PRDX1: variants seen among roughly 807,000 people sequenced by gnomAD.
The protein encoded by PRDX1 is peroxiredoxin-1.
A neutral mutation model predicts 20.7 loss-of-function variants in PRDX1; 19 were observed. The observed-to-expected ratio is 0.92, with a 90% CI of 0.64 to 1.35. The LOEUF (loss-of-function observed/expected upper bound fraction) is 1.35, where lower values mean the gene tolerates loss of function less well. Ranked by LOEUF, PRDX1 falls within the 40% of genes most tolerant of loss-of-function variation. The pLI is 0.00. For missense variants in PRDX1, 226 were observed against 240.0 expected (o/e 0.94, Z 0.38); for synonymous variants, 89 against 83.9 (o/e 1.06, Z -0.33).
chr1:45,518,189 G>A (rs1162032082), intron 2 of PRDX1, among the ~76,000 whole-genome samples: 2 of 151,900 alleles, frequency 1.3e-5, no homozygotes, highest in Admixed American at 6.6e-5. Flanking sequence ...TAAGCCAGGC[G>A]TGGTGGCTCA....
At chr1:45,519,110 G>T in intron 1 of PRDX1, 56 bp from the exon 2 acceptor site, 2 of 1,234,736 alleles carry the variant, frequency 1.6e-6, no homozygotes, top group Non-Finnish European at 2.3e-6. Context: ...ATAACCAGCA[G>T]CCTTCACCTA....
intron 5 of PRDX1, chr1:45,512,271 A>G (rs1257969158): frequency 6.8e-6 from 1 of 147,738 alleles, no homozygotes; most frequent in Non-Finnish European, 1.5e-5. Context: ...ACAGTCTCAC[A>G]TTGTCGCCCA....
At chr1:45,520,769 T>G (rs1004091114) in intron 1 of PRDX1, among the ~76,000 whole-genome samples, 2 of 144,214 alleles carry the variant, frequency 1.4e-5, no homozygotes, top group Admixed American at 7.1e-5. Context: ...CGGGGCTTGG[T>G]GGCACAAGCC....
chr1:45,519,153 A>G (rs1643887134), intron 1 of PRDX1, 99 bp from the exon 2 acceptor site: 1 of 785,122 alleles, frequency 1.3e-6, no homozygotes, highest in Non-Finnish European at 2.0e-6. Flanking sequence ...CAATCAAGGC[A>G]TTGTCCAGTG....
chr1:45,520,960 A>G (rs1287560476), intron 1 of PRDX1, among the ~76,000 whole-genome samples: 1 of 152,170 alleles, frequency 6.6e-6, no homozygotes, highest in East Asian at 1.9e-4. Flanking sequence ...CAAGTCCCAA[A>G]GTTCTTAGTT....
At chr1:45,518,467 CA>C (rs35407028) in intron 2 of PRDX1, among the ~76,000 whole-genome samples, 231 of 48,050 alleles carry the variant, frequency 4.8e-3, no homozygotes, top group South Asian at 0.014. Context: ...AACTCCATCT[CA>C]AAAAAAAAAA....
At chr1:45,514,698 A>T in intron 4 of PRDX1, 61 bp from the exon 5 acceptor site, 1 of 1,602,478 alleles carries the variant, frequency 6.2e-7, no homozygotes, top group Non-Finnish European at 8.5e-7. Context: ...GTTAGAATAC[A>T]GAGGCTTGAA....
Position 45,511,105 on chromosome 1 carries a change from A to T in PRDX1, c.*224T>A, listed in dbSNP as rs1476415339. The T allele has an allele frequency of 2.4e-6, 1 of 425,182 alleles. No individual in the cohort carries two copies. Among genetic ancestry groups the T allele is most frequent in the Non-Finnish European group, 4.2e-6 (1 of 239,368 alleles). 26.3% of individuals were successfully genotyped at this position (425,182 alleles called of 1,614,324 possible). On this transcript the variant is annotated 3_prime_UTR_variant, in exon 6 of 6. Coordinates refer to ENST00000319248, the MANE Select transcript of PRDX1 (RefSeq NM_181697.3). The stretch of plus-strand genomic sequence containing the variant: ...AAGATTAATGGGTTGCTCTACTAAT[A>T]CATCATACAAACCAGTAGCCTGCCC...
chr1:45,514,408 C>A, intron 5 of PRDX1, 99 bp downstream of exon 5: 2 of 1,414,850 alleles, frequency 1.4e-6, no homozygotes, highest in Non-Finnish European at 2.0e-6. Context: ...TTTTCCAAGT[C>A]TCTCATTCCA....
intron 2 of PRDX1, among the ~76,000 whole-genome samples, chr1:45,516,938 T>C (rs997023515): frequency 6.6e-6 from 1 of 151,234 alleles, no homozygotes; most frequent in Non-Finnish European, 1.5e-5. Context: ...GGAGAATCAC[T>C]TGAACCGGGG....
chr1:45,514,999 T>TG lies in PRDX1; in HGVS notation c.261-5dup, dbSNP rs751840360. 1 of 1,613,906 alleles carries TG rather than the reference T, an allele frequency of 6.2e-7. No individual in the cohort carries two copies. Among genetic ancestry groups the TG allele is most frequent in the Admixed American group, 1.7e-5 (1 of 59,912 alleles). On this transcript the variant is annotated splice_region_variant and splice_polypyrimidine_tract_variant and intron_variant, in intron 3 of 5. Coordinates refer to ENST00000319248, the MANE Select transcript of PRDX1 (RefSeq NM_181697.3). Reference sequence around the variant, plus strand: ...TTGTTTCTTAGGTGTATTGACCCTATGGCAAAAGGCAAACATACAGTTACA... The same window carrying TG: ...TTGTTTCTTAGGTGTATTGACCCTATGGGCAAAAGGCAAACATACAGTTACA...
rs764841073 is a variant in PRDX1, at chr1:45,515,755, G to A, written c.159C>T (p.Pro53=). The A allele has an allele frequency of 4.4e-6, 7 of 1,599,772 alleles. No homozygotes were observed. Among genetic ancestry groups the A allele is most frequent in the Non-Finnish European group, 6.0e-6 (7 of 1,176,102 alleles). The stretch of plus-strand genomic sequence containing the variant: ...TATCACTGAAAGCAATGATCTCCGT[G>A]GGGCACACAAAGGTGAAGTCAAGAG... The part of the protein sequence containing the change: ...FYPLDFTFVC[P]TEIIAFSDRA... The change falls in exon 3 of 6, where the codon CCC becomes CCT. Residue 53 remains proline (P), a synonymous_variant. Coordinates refer to ENST00000319248, the MANE Select transcript of PRDX1 (RefSeq NM_181697.3).
intron 3 of PRDX1, 106 bp from the exon 4 acceptor site, chr1:45,515,101 G>GT (rs1299809017): frequency 8.6e-5 from 127 of 1,485,230 alleles, no homozygotes; most frequent in Middle Eastern, 1.8e-4. Context: ...CAAAAAGACT[G>GT]TTTTTTTTCC....
chr1:45,514,382 CT>C, intron 5 of PRDX1, 124 bp downstream of exon 5: 1 of 1,239,046 alleles, frequency 8.1e-7, no homozygotes, highest in Non-Finnish European at 1.1e-6. Context: ...TTTCTCTATA[CT>C]TTGTCTACGT....
intron 4 of PRDX1, 31 bp from the exon 5 acceptor site, chr1:45,514,668 C>A: frequency 6.2e-7 from 1 of 1,611,998 alleles, no homozygotes; most frequent in Non-Finnish European, 8.5e-7. Context: ...AAAAGCAATA[C>A]AGGTTTAGAG....
Position 45,514,657 on chromosome 1 carries a change from G to A in PRDX1, c.384-20C>T. 6.2e-7 allele frequency: 1 copy of A among 1,612,914 alleles called. No homozygotes were observed. The highest frequency in any genetic ancestry group is 8.5e-7 in the Non-Finnish European group (1 of 1,178,898). On this transcript the variant is annotated intron_variant, in intron 4 of 5. Transcript: ENST00000319248. ...AGGCCCCTGGGAAAAGAGATGAAAG[G>A]AAAAGCAATACAGGTTTAGAGATGT...
At chr1:45,516,654 A>G (rs1643864402) in intron 2 of PRDX1, among the ~76,000 whole-genome samples, 1 of 152,180 alleles carries the variant, frequency 6.6e-6, no homozygotes, top group Non-Finnish European at 1.5e-5. Flanking sequence ...CACCAGGCTT[A>G]AATACTAGAA....
Position 45,514,979 on chromosome 1 carries a change from T to G in PRDX1, c.277A>C (p.Lys93Gln). 6.2e-7 allele frequency: 1 copy of G among 1,614,238 alleles called. No homozygotes were observed. The highest frequency in any genetic ancestry group is 1.1e-5 in the South Asian group (1 of 91,088). The change falls in exon 4 of 6, where the codon AAA (lysine) becomes CAA (glutamine). Residue 93 changes from lysine to glutamine, a missense_variant. Lys to Gln is a moderately conservative substitution (Grantham distance 53). Coordinates refer to ENST00000319248, the MANE Select transcript of PRDX1 (RefSeq NM_181697.3). ...CHLAWVNTPK[K>Q]QGGLGPMNIP... ...TTCATGGGTCCCAGTCCTCCTTGTT[T>G]CTTAGGTGTATTGACCCTATGGCAA...
chr1:45,522,375 T>G (rs1417882646), upstream of PRDX1, among the ~76,000 whole-genome samples: 4 of 152,308 alleles, frequency 2.6e-5, no homozygotes, highest in South Asian at 4.1e-4. Context: ...ATTGTTCTCT[T>G]TAATTACAGG....
Sources: gnomAD v4.1 joint callset for allele counts (sites outside exome capture counted in the v4.1 genomes callset) on GRCh38, gnomAD v4.1.1 for gene constraint, MANE v1.5 for transcripts, NCBI Gene and HGNC (gene_info 2026-07-23, HGNC 2026-07-21) for gene names.